The following CD69 variants were observed in gnomAD, a reference collection of about 807,000 sequenced individuals.
CD69 encodes early activation antigen CD69.
In CD69, 10 loss-of-function variants were observed where a neutral mutation model predicts 21.4. That is an observed-to-expected ratio of 0.47 (90% CI 0.29 to 0.79). The LOEUF is 0.79. Among genes scored for constraint, CD69 ranks in the 30% least tolerant of loss-of-function variants. The pLI is 0.09. For missense variants in CD69, 204 were observed against 236.9 expected, an observed-to-expected ratio of 0.86 and a Z score of 0.91; for synonymous variants, 63 against 78.2, an observed-to-expected ratio of 0.81 and a Z score of 1.03.
rs1298209473 is a variant in CD69 at position 9,752,648 on chromosome 12, A to G, written c.*833T>C. 6.6e-6 allele frequency: 1 copy of G among 152,650 alleles called. No homozygotes were observed. Among genetic ancestry groups the G allele is most frequent in the African/African-American group, 2.4e-5 (1 of 41,468 alleles). The allele number at this position is 152,650 out of a possible 1,614,324, so 9.5% of individuals were successfully genotyped here. ...GATTTAGGAAAGTCACAAACCTATT[A>G]TAAGACTAGTATTATTCTAGGTCTG... is the stretch of plus-strand genomic sequence containing the variant. On this transcript the variant is annotated 3_prime_UTR_variant, in exon 5 of 5. Transcript: ENST00000228434.
At chr12:9,757,662 A>G (rs1368839347) in intron 1 of CD69, among the ~76,000 whole-genome samples, 2 of 152,236 alleles carry the variant, frequency 1.3e-5, no homozygotes, top group East Asian at 3.8e-4. Flanking sequence ...GCCACAGAAG[A>G]TTGTATACTA....
chr12:9,759,635 G>T (rs1296148162), intron 1 of CD69, among the ~76,000 whole-genome samples: 1 of 152,088 alleles, frequency 6.6e-6, no homozygotes, highest in Non-Finnish European at 1.5e-5. Flanking sequence ...TTTATGAGAA[G>T]TAACTGATGT....
chr12:9,759,055 A>G (rs764272774), intron 1 of CD69, among the ~76,000 whole-genome samples: 16 of 151,914 alleles, frequency 1.1e-4, no homozygotes, highest in South Asian at 6.2e-4. Flanking sequence ...TCAGCCTCCT[A>G]AGTAGCTGGG....
intron 2 of CD69, 119 bp from the exon 3 acceptor site, chr12:9,755,380 A>G: frequency 1.3e-6 from 1 of 776,380 alleles, no homozygotes; most frequent in Non-Finnish European, 2.1e-6. Flanking sequence ...GATAAAAGCT[A>G]AAAAGTAGAA....
At chr12:9,757,586 A>G (rs1482921441) in intron 1 of CD69, among the ~76,000 whole-genome samples, 1 of 152,220 alleles carries the variant, frequency 6.6e-6, no homozygotes, top group Non-Finnish European at 1.5e-5. Flanking sequence ...ATTCAAAATA[A>G]GACAACTGAT....
chr12:9,755,353 G>A, intron 2 of CD69, 92 bp from the exon 3 acceptor site: 2 of 1,038,784 alleles, frequency 1.9e-6, no homozygotes, highest in Non-Finnish European at 3.0e-6. Context: ...GTTGTGCTAG[G>A]TGGTGATAAA....
chr12:9,757,315 T>C (rs1401695299), intron 1 of CD69, among the ~76,000 whole-genome samples: 1 of 152,216 alleles, frequency 6.6e-6, no homozygotes, highest in Non-Finnish European at 1.5e-5. Flanking sequence ...CAGATATTAT[T>C]GGTGGGAGAG....
At chr12:9,754,823 C>T in intron 3 of CD69, 133 bp from the exon 4 acceptor site, 1 of 715,514 alleles carries the variant, frequency 1.4e-6, no homozygotes, top group East Asian at 2.5e-5. Context: ...TATATAGGAT[C>T]AGCATATTTG....
rs150634267 is a variant in CD69, at chr12:9,755,102, T to C, written c.347A>G (p.His116Arg). 2.5e-6 allele frequency: 4 copies of C among 1,614,122 alleles called. No homozygotes were observed. The African/African-American group carries it at 4.0e-5, about 16-fold the overall frequency. ...ATCAATGACAGCAAGAGTAGCACCA[T>C]GTTCAGAACAAGCATTTTGGGCTGA... ...WTSAQNACSE[H>R]GATLAVIDSE... is the part of the protein sequence containing the mutation. Residue 116 changes from histidine (H) to arginine (R), a missense_variant, in exon 3 of 5, where the codon CAT becomes CGT. Coordinates refer to ENST00000228434, the MANE Select transcript of CD69 (RefSeq NM_001781.2).
rs186153487 is a variant in CD69, at chr12:9,753,575, C to T, written c.506G>A (p.Gly169Glu). Residue 169 changes from glycine (G) to glutamate (E), a missense_variant, in exon 5 of 5, where the codon GGG (glycine) becomes GAG (glutamate). Gly to Glu is a moderately conservative substitution (Grantham distance 98). Coordinates refer to ENST00000228434, the MANE Select transcript of CD69 (RefSeq NM_001781.2). ...KEFNNWFNVTGSDKCVFLKNT... is the reference protein window; with the variant it reads ...KEFNNWFNVTESDKCVFLKNT... ...TTTCAGAAAAACACACTTGTCAGAC[C>T]CTGTAACGTTGAACCTGTCAAACAA... 1.9e-6 allele frequency: 3 copies of T among 1,543,800 alleles called. No homozygotes were observed. The highest frequency in any genetic ancestry group is 2.7e-6 in the Non-Finnish European group (3 of 1,124,310).
intron 1 of CD69, among the ~76,000 whole-genome samples, chr12:9,758,298 A>G (rs989451831): frequency 6.6e-5 from 10 of 152,178 alleles, no homozygotes; most frequent in African/African-American, 2.4e-4. Flanking sequence ...GGTCCCTATT[A>G]TGTTCTCAAA....
At chr12:9,760,232 A>C (rs929044612) in intron 1 of CD69, among the ~76,000 whole-genome samples, 3 of 152,198 alleles carry the variant, frequency 2.0e-5, no homozygotes, top group Admixed American at 2.0e-4. Flanking sequence ...GGATGCTGTC[A>C]TGAGAACACA....
Position 9,760,663 on chromosome 12 carries a change from T to C in CD69, c.64+94A>G, listed in dbSNP as rs1866725745. On this transcript the variant is annotated intron_variant, in intron 1 of 4. Coordinates refer to ENST00000228434, the MANE Select transcript of CD69 (RefSeq NM_001781.2). ...TATATTTCTCTAAGATTATATATCA[T>C]ATATAGAGAGATTACCAGTATATCT... The C allele has an allele frequency of 1.1e-5, 10 of 876,200 alleles. No individual in the cohort carries two copies. In the South Asian group the frequency reaches 1.3e-4, roughly 11 times the overall value. The allele number at this position is 876,200 out of a possible 1,614,324, so 54.3% of individuals were successfully genotyped here.
At position 9,753,461 on chromosome 12, in the gene CD69, T is replaced by A; in HGVS notation, c.*20A>T. ...TTGAGTTCCATTCTATAATAGTCAA[T>A]AAGTGAACATGTTTCCTTATTATTT... On this transcript the variant is annotated 3_prime_UTR_variant, in exon 5 of 5. Coordinates refer to ENST00000228434, the MANE Select transcript of CD69 (RefSeq NM_001781.2). 1 of 1,031,224 alleles carries A rather than the reference T, an allele frequency of 9.7e-7. No individual in the cohort carries two copies. Among genetic ancestry groups the A allele is most frequent in the South Asian group, 1.3e-5 (1 of 75,592 alleles). The allele number at this position is 1,031,224 out of a possible 1,614,324, so 63.9% of individuals were successfully genotyped here. A position where few individuals can be genotyped will look rare whatever the true frequency, so the allele number is the denominator to read the frequency against.
intron 1 of CD69, among the ~76,000 whole-genome samples, chr12:9,756,695 A>G (rs1215990493): frequency 1.3e-5 from 2 of 152,212 alleles, no homozygotes; most frequent in Admixed American, 1.3e-4. Context: ...TTATACACTT[A>G]GTAACTATGA....
At chr12:9,754,763 C>A in intron 3 of CD69, 73 bp from the exon 4 acceptor site, 1 of 976,634 alleles carries the variant, frequency 1.0e-6, no homozygotes, top group South Asian at 1.3e-5. Context: ...TCCTGTTTCT[C>A]AAAAGCTGCA....
Position 9,755,051 on chromosome 12 carries a change from T to C in CD69, c.387+11A>G, listed in dbSNP as rs754012112. On this transcript the variant is annotated intron_variant, in intron 3 of 4. Transcript: ENST00000228434. ...TAAAATAGTAGTATTTTATCTTTTT[T>C]TTATTCTTACCATGTCCTTTTCAGA... is the stretch of plus-strand genomic sequence containing the variant. 8 of 1,610,588 alleles carry C rather than the reference T, an allele frequency of 5.0e-6. No individual in the cohort carries two copies. In the South Asian group the frequency reaches 8.8e-5, roughly 18 times the overall value.
At chr12:9,755,410 A>G (rs1866671709) in intron 2 of CD69, 149 bp from the exon 3 acceptor site, 1 of 651,644 alleles carries the variant, frequency 1.5e-6, no homozygotes, top group Non-Finnish European at 2.7e-6. Flanking sequence ...GGGTATGAAG[A>G]AAGAAAGTTC....
intron 2 of CD69, 115 bp downstream of exon 2, chr12:9,756,182 A>T: frequency 1.1e-6 from 1 of 878,460 alleles, no homozygotes; most frequent in South Asian, 2.0e-5. Flanking sequence ...GGTACATGGG[A>T]TGATTCTGAA....
Sources: gnomAD v4.1 joint callset for allele counts (sites outside exome capture counted in the v4.1 genomes callset) on GRCh38, gnomAD v4.1.1 for gene constraint, MANE v1.5 for transcripts, NCBI Gene and HGNC (gene_info 2026-07-23, HGNC 2026-07-21) for gene names.